Variants in RBM10 observed in about 807,000 individuals in gnomAD.
RBM10 encodes the protein RNA-binding protein 10.
RBM10 carries 1 observed loss-of-function variant against 84.9 expected under a neutral mutation model. The ratio of observed to expected loss-of-function variants is 0.01; its 90% CI spans 0.00 to 0.06. RBM10 has a LOEUF of 0.06. Among genes scored for constraint, RBM10 ranks in the 10% least tolerant of loss-of-function variants. The pLI, the probability that RBM10 is intolerant of heterozygous loss-of-function variation, is 1.00. For missense variants in RBM10, 438 were observed against 839.0 expected, an observed-to-expected ratio of 0.52 and a Z score of 5.90; for synonymous variants, 326 against 344.5, an observed-to-expected ratio of 0.95 and a Z score of 0.60.
At chrX:47,180,624 G>T in intron 12 of RBM10, 118 bp downstream of exon 12, 1 of 1,117,968 alleles carries the variant, frequency 8.9e-7, no homozygotes, top group Non-Finnish European at 1.2e-6. Flanking sequence ...CCCTCTCCCA[G>T]TAGCTGGCAT....
At position 47,145,432 on chromosome X, in the gene RBM10, C is replaced by G. The variant is rs1932024468; in HGVS notation, c.-179C>G. 2 of 1,152,831 alleles carry G rather than the reference C, an allele frequency of 1.7e-6. No homozygotes were observed. Among genetic ancestry groups the G allele is most frequent in the East Asian group, 6.5e-5 (2 of 30,674 alleles). ...GAGCTGGGAGAGTTGGAGGAGGTGG[C>G]GGCGGGCAGAGGTGATGTCTGGGAG... On this transcript the variant is annotated 5_prime_UTR_variant, in exon 1 of 24. Coordinates refer to ENST00000377604, the MANE Select transcript of RBM10 (RefSeq NM_005676.5).
chrX:47,150,361 G>A (rs1170847847), intron 2 of RBM10, among the ~76,000 whole-genome samples: 1 of 110,012 alleles, frequency 9.1e-6, no homozygotes, highest in East Asian at 2.9e-4. Flanking sequence ...GTAGAGATGG[G>A]GTTTCACTGT....
At position 47,181,637 on chromosome X, in the gene RBM10, C is replaced by T. The variant is rs782194120; in HGVS notation, c.1566C>T (p.Ala522=). ...CGAGCAGTAGCCAGGGCACTGCTGCCAACAGCCAGGTGAGTGAGCCCTGTG... is the reference window on the plus strand; with the variant it reads ...CGAGCAGTAGCCAGGGCACTGCTGCTAACAGCCAGGTGAGTGAGCCCTGTG... ...AEASSSQGTA[A]NSQSYTIMSP... is the part of the protein sequence containing the mutation. The change falls in exon 14 of 24, where the codon GCC becomes GCT. Residue 522 remains alanine, a synonymous_variant. Coordinates refer to ENST00000377604, the MANE Select transcript of RBM10 (RefSeq NM_005676.5). The T allele has an allele frequency of 1.7e-6, 2 of 1,205,302 alleles. No individual in the cohort carries two copies. The highest frequency in any genetic ancestry group is 3.5e-5 in the African/African-American group (2 of 57,309).
At chrX:47,168,580 A>G (rs781941873) in intron 2 of RBM10, among the ~76,000 whole-genome samples, 33 of 111,272 alleles carry the variant, frequency 3.0e-4, no homozygotes, top group African/African-American at 9.8e-4. Context: ...AGATGAAATC[A>G]GCTTTGAGAT....
intron 2 of RBM10, chrX:47,157,075 G>A (rs1260001400): frequency 1.8e-5 from 5 of 279,828 alleles, no homozygotes; most frequent in Non-Finnish European, 2.7e-5. Flanking sequence ...AGTGCCTGCC[G>A]CAGGGCCCGG....
In RBM10 at chrX:47,181,842, G is replaced by C; in HGVS notation, c.1669G>C (p.Ala557Pro). 3 of 1,211,651 alleles carry C rather than the reference G, an allele frequency of 2.5e-6. No individual in the cohort carries two copies. Among genetic ancestry groups the C allele is most frequent in the Non-Finnish European group, 3.3e-6 (3 of 895,528 alleles). Residue 557 changes from alanine to proline, a missense_variant, in exon 15 of 24, where the codon GCC becomes CCC. Transcript: ENST00000377604. The part of the protein sequence containing the change: ...SALPPATSPT[A>P]QESYSQYPVP... ...TCTCCCACCGGCTACCAGCCCCACT[G>C]CCCAGGAATCCTACAGCCAGTACCG...
At chrX:47,169,552 C>T (rs1196254850) in intron 3 of RBM10, 54 bp downstream of exon 3, 28 of 1,122,020 alleles carry the variant, frequency 2.5e-5, no homozygotes, top group Non-Finnish European at 3.3e-5. Flanking sequence ...CCCAAGGGCC[C>T]TCTGTGTCTG....
At position 47,181,530 on chromosome X, in the gene RBM10, G is replaced by A. The variant is rs2147188140; in HGVS notation, c.1459G>A (p.Gly487Arg). ...AGGTCCCGAGGCCTCCCTAGAGCCT[G>A]GGGCCGACTCTGTGTCGATGCAGGC... ...GAGPEASLEPGADSVSMQAFS... is the reference protein window; with the variant it reads ...GAGPEASLEPRADSVSMQAFS... Residue 487 changes from glycine to arginine, a missense_variant, in exon 14 of 24, where the codon GGG becomes AGG. Gly to Arg is a moderately radical substitution (Grantham distance 125, BLOSUM62 -2). Around this residue, in one of 8 missense-constraint regions of RBM10, gnomAD observed 97 missense variants for 110.3 expected, o/e 0.88. Transcript: ENST00000377604. 8.3e-7 allele frequency: 1 copy of A among 1,211,626 alleles called. No individual in the cohort carries two copies. Among genetic ancestry groups the A allele is most frequent in the Non-Finnish European group, 1.1e-6 (1 of 895,373 alleles).
At chrX:47,166,984 C>G (rs1317247188) in intron 2 of RBM10, among the ~76,000 whole-genome samples, 1 of 108,942 alleles carries the variant, frequency 9.2e-6, no homozygotes, top group East Asian at 2.9e-4. Flanking sequence ...ACCATGTTAG[C>G]CAGGATGGTC....
intron 3 of RBM10, among the ~76,000 whole-genome samples, chrX:47,169,779 C>T (rs1556771388): frequency 8.9e-6 from 1 of 112,240 alleles, no homozygotes; most frequent in Non-Finnish European, 1.9e-5. Context: ...GGGCCCATGG[C>T]TCACTGTGAA....
intron 2 of RBM10, among the ~76,000 whole-genome samples, chrX:47,160,380 C>A (rs1933578178): frequency 9.0e-6 from 1 of 111,691 alleles, no homozygotes; most frequent in African/African-American, 3.3e-5. Flanking sequence ...TATCCAGAAT[C>A]TACAAGGAAG....
At chrX:47,174,666 G>A (rs1044121250) in intron 5 of RBM10, among the ~76,000 whole-genome samples, 1 of 110,343 alleles carries the variant, frequency 9.1e-6, no homozygotes, top group Non-Finnish European at 1.9e-5. Context: ...CAGATCTCTC[G>A]TATTCTTTCC....
At chrX:47,166,440 A>G (rs781870330) in intron 2 of RBM10, among the ~76,000 whole-genome samples, 1 of 111,095 alleles carries the variant, frequency 9.0e-6, no homozygotes, top group Non-Finnish European at 1.9e-5. Flanking sequence ...AGTCTATCCA[A>G]TGTAGTTTTA....
chrX:47,175,073 G>A lies in RBM10; in HGVS notation c.557G>A (p.Arg186Gln), dbSNP rs1267331723. ...VEFSHLQDAT[R>Q]WMEANQHSLN... ...TTTAGTCACTTGCAGGACGCTACAC[G>A]ATGGATGGAAGCCAATCAGGTTGCT... Residue 186 changes from arginine (R) to glutamine (Q), a missense_variant, in exon 6 of 24, where the codon CGA (arginine) becomes CAA (glutamine). Coordinates refer to ENST00000377604, the MANE Select transcript of RBM10 (RefSeq NM_005676.5). 2.5e-6 allele frequency: 3 copies of A among 1,210,612 alleles called. No individual in the cohort carries two copies. The highest frequency in any genetic ancestry group is 1.8e-5 in the South Asian group (1 of 56,959).
intron 5 of RBM10, 91 bp downstream of exon 5, chrX:47,173,288 C>G (rs1284364343): frequency 8.5e-7 from 1 of 1,171,669 alleles, no homozygotes; most frequent in South Asian, 1.9e-5. Context: ...CCACTCCCTC[C>G]ACCACCTTCC....
At chrX:47,169,190 A>G (rs1211225975) in intron 2 of RBM10, 125 bp from the exon 3 acceptor site, 1 of 534,961 alleles carries the variant, frequency 1.9e-6, no homozygotes, top group Non-Finnish European at 3.0e-6. Flanking sequence ...TCAGAAGGGC[A>G]CCTCACTTCT....
intron 1 of RBM10, 103 bp downstream of exon 1, chrX:47,145,588 G>A: frequency 1.2e-6 from 1 of 844,763 alleles, no homozygotes; most frequent in Non-Finnish European, 1.6e-6. Context: ...TGCGCGGAAC[G>A]GAGGGGTTGG....
chrX:47,158,537 G>T (rs1487246770), intron 2 of RBM10, among the ~76,000 whole-genome samples: 1 of 112,357 alleles, frequency 8.9e-6, no homozygotes, highest in Non-Finnish European at 1.9e-5. Flanking sequence ...CAGTAGCTGG[G>T]ACTGTAGGTG....
rs1368432523 is a variant in RBM10 at position 47,147,598 on chromosome X, C to T, written c.17+100C>T. On this transcript the variant is annotated intron_variant, in intron 2 of 23. Coordinates refer to ENST00000377604, the MANE Select transcript of RBM10 (RefSeq NM_005676.5). ...GGATGGGGCTTCTGGGTAGAGGAAA[C>T]AGCATAGCAGATGATGGGTTTCTTT... The T allele has an allele frequency of 5.8e-6, 6 of 1,028,162 alleles. No individual in the cohort carries two copies. The African/African-American group carries it at 1.1e-4, about 19-fold the overall frequency. 84.7% of individuals were successfully genotyped at this position (1,028,162 alleles called of 1,213,427 possible).
Sources: allele counts gnomAD v4.1 joint callset (sites outside exome capture counted in the v4.1 genomes callset), GRCh38; gene constraint gnomAD v4.1.1; regional missense constraint gnomAD v4.1.1; transcripts MANE v1.5; gene names NCBI Gene and HGNC (gene_info 2026-07-23, HGNC 2026-07-21).